FYB2: variants seen among roughly 807,000 people sequenced by gnomAD.
The protein encoded by FYB2 is FYN-binding protein 2.
Under a neutral mutation model 94.1 loss-of-function variants are expected in FYB2, and 103 were observed. The ratio of observed to expected loss-of-function variants is 1.09; its 90% CI spans 0.93 to 1.29. The LOEUF (loss-of-function observed/expected upper bound fraction) is 1.29, where lower values mean the gene tolerates loss of function less well. Ranked by LOEUF, FYB2 falls within the 50% of genes most tolerant of loss-of-function variation. The pLI is 0.00. For synonymous variants in FYB2, 293 were observed against 287.9 expected, an observed-to-expected ratio of 1.02 and a Z score of -0.18; for missense variants, 896 against 841.5, an observed-to-expected ratio of 1.06 and a Z score of -0.80.
At chr1:56,825,492 C>T in the FYB2 span, among the ~76,000 whole-genome samples, 2 of 152,148 alleles carry the variant, frequency 1.3e-5, no homozygotes, top group Non-Finnish European at 2.9e-5. Flanking sequence ...TACCTAATTT[C>T]CACTATGGTC....
At chr1:56,743,434 C>T (rs1644999594) in intron 11 of FYB2, among the ~76,000 whole-genome samples, 1 of 151,910 alleles carries the variant, frequency 6.6e-6, no homozygotes, top group African/African-American at 2.4e-5. Flanking sequence ...GGAGAATATT[C>T]CCTGTGGAAA....
At chr1:56,811,096 C>CATAG (rs1470483364) in intron 1 of FYB2, among the ~76,000 whole-genome samples, 17 of 152,116 alleles carry the variant, frequency 1.1e-4, no homozygotes, top group African/African-American at 4.1e-4. Context: ...TATATTAAAT[C>CATAG]ATAGATGCTC....
chr1:56,744,009 T>C lies in FYB2; in HGVS notation c.1543+17A>G. 6.2e-7 allele frequency: 1 copy of C among 1,610,366 alleles called. No individual in the cohort carries two copies. Among genetic ancestry groups the C allele is most frequent in the Non-Finnish European group, 8.5e-7 (1 of 1,178,286 alleles). On this transcript the variant is annotated intron_variant, in intron 11 of 19. Coordinates refer to ENST00000343433, the MANE Select transcript of FYB2 (RefSeq NM_001004303.5). ...CAATTCCTACTGGCAACTTCAGAAA[T>C]GTCTTCCTATACTTACCACTACTTG... is the stretch of plus-strand genomic sequence containing the variant.
intron 2 of FYB2, among the ~76,000 whole-genome samples, chr1:56,791,628 T>C (rs1458566760): frequency 6.6e-6 from 1 of 152,122 alleles, no homozygotes; most frequent in African/African-American, 2.4e-5. Context: ...GCCGACAGAT[T>C]CAGTGTGTAG....
At chr1:56,777,967 T>A (rs11206915) in intron 4 of FYB2, among the ~76,000 whole-genome samples, 34,055 of 151,614 alleles carry the variant, frequency 0.22, 5,494 homozygotes, top group East Asian at 0.46. Context: ...ATAATTTTTT[T>A]AAAAAAAGAA....
At chr1:56,725,611 TG>T (rs1196980672) in intron 16 of FYB2, among the ~76,000 whole-genome samples, 1 of 152,090 alleles carries the variant, frequency 6.6e-6, no homozygotes, top group East Asian at 1.9e-4. Context: ...TGTAAAAGTA[TG>T]AAGTTTAAGA....
chr1:56,790,762 A>C (rs112964863), intron 2 of FYB2, among the ~76,000 whole-genome samples: 1 of 152,232 alleles, frequency 6.6e-6, no homozygotes, highest in African/African-American at 2.4e-5. Flanking sequence ...AGTTCTATGA[A>C]GGAAATAAGG....
chr1:56,799,066 T>G (rs1313158650), intron 1 of FYB2, among the ~76,000 whole-genome samples: 1 of 152,196 alleles, frequency 6.6e-6, no homozygotes, highest in Non-Finnish European at 1.5e-5. Flanking sequence ...CTCATCATCC[T>G]TAACAACACT....
intron 5 of FYB2, among the ~76,000 whole-genome samples, chr1:56,767,172 A>G (rs1455944284): frequency 1.3e-5 from 2 of 152,226 alleles, no homozygotes; most frequent in African/African-American, 4.8e-5. Flanking sequence ...CAGCACTAAA[A>G]TGTGTGCCTT....
chr1:56,744,975 C>T (rs1429637773), intron 9 of FYB2, among the ~76,000 whole-genome samples: 1 of 151,986 alleles, frequency 6.6e-6, no homozygotes, highest in Non-Finnish European at 1.5e-5. Flanking sequence ...ACAACAAGCA[C>T]ATTAACTGGT....
At chr1:56,818,618 A>G (rs568399870) in intron 1 of FYB2, among the ~76,000 whole-genome samples, 100 of 152,270 alleles carry the variant, frequency 6.6e-4, no homozygotes, top group Non-Finnish European at 1.2e-3. Flanking sequence ...AACTGTGCCA[A>G]CAGCACTCAG....
chr1:56,754,636 C>T (rs1645281701), intron 7 of FYB2, among the ~76,000 whole-genome samples: 1 of 152,088 alleles, frequency 6.6e-6, no homozygotes, highest in African/African-American at 2.4e-5. Flanking sequence ...TTTTGCACCT[C>T]ACTTCTGTGT....
intron 8 of FYB2, among the ~76,000 whole-genome samples, chr1:56,751,604 G>T (rs1209511185): frequency 6.6e-6 from 1 of 152,006 alleles, no homozygotes; most frequent in Non-Finnish European, 1.5e-5. Context: ...GGCAGGACTT[G>T]ACCCCAGAAC....
At chr1:56,736,767 C>T (rs555168790) in intron 15 of FYB2, among the ~76,000 whole-genome samples, 1 of 152,186 alleles carries the variant, frequency 6.6e-6, no homozygotes, top group African/African-American at 2.4e-5. Flanking sequence ...GACGTTCTGT[C>T]ACATAGTGCT....
chr1:56,769,292 G>T (rs1414747527), intron 4 of FYB2, among the ~76,000 whole-genome samples: 1 of 152,076 alleles, frequency 6.6e-6, no homozygotes, highest in Non-Finnish European at 1.5e-5. Context: ...CACCTGCCTT[G>T]GCCTCCCAAA....
intron 9 of FYB2, among the ~76,000 whole-genome samples, chr1:56,747,037 T>C (rs995574632): frequency 6.6e-6 from 1 of 151,918 alleles, no homozygotes; most frequent in Non-Finnish European, 1.5e-5. Flanking sequence ...ATGGTCTCTT[T>C]GGGGAAGGGC....
chr1:56,731,081 CA>C (rs1292087690), intron 15 of FYB2, among the ~76,000 whole-genome samples: 1 of 148,892 alleles, frequency 6.7e-6, no homozygotes, highest in African/African-American at 2.4e-5. Context: ...GTTACAAAAA[CA>C]AAACAAAACA....
chr1:56,740,602 C>A (rs752687093), intron 13 of FYB2, 95 bp downstream of exon 13: 86 of 700,684 alleles, frequency 1.2e-4, no homozygotes, highest in Non-Finnish European at 1.8e-4. Context: ...TTTCTGATAT[C>A]CCCTTCACTG....
intron 1 of FYB2, among the ~76,000 whole-genome samples, chr1:56,796,997 T>C (rs1646415837): frequency 6.6e-6 from 1 of 152,128 alleles, no homozygotes; most frequent in East Asian, 1.9e-4. Flanking sequence ...ATTGGTTGTT[T>C]TAACATAATA....
Sources: allele counts gnomAD v4.1 joint callset (sites outside exome capture counted in the v4.1 genomes callset), GRCh38; gene constraint gnomAD v4.1.1; transcripts MANE v1.5; gene names NCBI Gene and HGNC (gene_info 2026-07-23, HGNC 2026-07-21).